Variants in DRC4 observed in about 807,000 individuals in gnomAD.
DRC4 encodes dynein regulatory complex subunit 4.
chr16:90,022,712 C>A, the DRC4 span: 1 of 1,419,308 alleles, frequency 7.0e-7, no homozygotes, highest in Non-Finnish European at 9.3e-7. Context: ...TGGGCCTGTC[C>A]GCTGGCGTCA....
chr16:90,027,980 A>C, the DRC4 span: 2 of 474,966 alleles, frequency 4.2e-6, no homozygotes, highest in Non-Finnish European at 7.6e-6. Flanking sequence ...TTCTGATCTA[A>C]AAGCTGTTTT....
chr16:90,026,299 G>A, the DRC4 span, among the ~76,000 whole-genome samples: 1 of 152,140 alleles, frequency 6.6e-6, no homozygotes, highest in African/African-American at 2.4e-5. Flanking sequence ...CCACAAGGGG[G>A]TGGGGTTAGA....
the DRC4 span, among the ~76,000 whole-genome samples, chr16:90,034,677 AATAT>A: frequency 6.6e-6 from 1 of 151,838 alleles, no homozygotes; most frequent in East Asian, 1.9e-4. Flanking sequence ...GCAAATTTTA[AATAT>A]ATAATGTTTA....
chr16:90,030,240 A>G, the DRC4 span, among the ~76,000 whole-genome samples: 2 of 152,124 alleles, frequency 1.3e-5, no homozygotes, highest in African/African-American at 4.8e-5. Flanking sequence ...GCATTATGAT[A>G]TGAATTTGTT....
the DRC4 span, chr16:90,043,151 G>C: frequency 1.9e-6 from 3 of 1,576,640 alleles, no homozygotes; most frequent in Non-Finnish European, 2.6e-6. Flanking sequence ...TGGTGGTCCT[G>C]AGCGTGGGGA....
chr16:90,023,981 TA>T, the DRC4 span, among the ~76,000 whole-genome samples: 41,025 of 129,104 alleles, frequency 0.32, 6,249 homozygotes, highest in South Asian at 0.42. Flanking sequence ...ACACGTCTCT[TA>T]AAAAAAAAAA....
At chr16:90,028,680 A>G in the DRC4 span, among the ~76,000 whole-genome samples, 1 of 152,206 alleles carries the variant, frequency 6.6e-6, no homozygotes, top group Non-Finnish European at 1.5e-5. Context: ...TTTACCTAAA[A>G]GGCTCCTGGA....
chr16:90,035,890 G>A, the DRC4 span: 2 of 1,462,078 alleles, frequency 1.4e-6, no homozygotes, highest in East Asian at 2.5e-5. Flanking sequence ...GTGAGTTTGG[G>A]AGGCTGTGAT....
chr16:90,042,613 A>G, the DRC4 span: 4 of 1,242,554 alleles, frequency 3.2e-6, no homozygotes, highest in Admixed American at 1.7e-5. Context: ...GTCTCTGAGG[A>G]CCCCACCTGT....
chr16:90,024,716 T>C, the DRC4 span, among the ~76,000 whole-genome samples: 1 of 152,000 alleles, frequency 6.6e-6, no homozygotes, highest in African/African-American at 2.4e-5. Context: ...TTACACACTT[T>C]TTAATTTCTT....
chr16:90,030,338 A>ATATT, the DRC4 span, among the ~76,000 whole-genome samples: 1 of 151,494 alleles, frequency 6.6e-6, no homozygotes, highest in Non-Finnish European at 1.5e-5. Flanking sequence ...AACCATTTCC[A>ATATT]TATTTATTTA....
chr16:90,042,165 A>G, the DRC4 span: 5 of 470,890 alleles, frequency 1.1e-5, no homozygotes, highest in Non-Finnish European at 2.1e-5. Flanking sequence ...CAAACTCCTG[A>G]CCTCAAGTGA....
chr16:90,044,225 T>C, the DRC4 span: 1 of 452,334 alleles, frequency 2.2e-6, no homozygotes, highest in South Asian at 1.6e-5. Flanking sequence ...TTGGCTCAGA[T>C]GAAAACCTCT....
the DRC4 span, among the ~76,000 whole-genome samples, chr16:90,030,289 A>C: frequency 6.6e-6 from 1 of 151,914 alleles, no homozygotes; most frequent in South Asian, 2.1e-4. Context: ...TTTTTGGGTT[A>C]ATGTGATATT....
At chr16:90,022,625 TATCGCGGC>T in the DRC4 span, 1 of 1,318,738 alleles carries the variant, frequency 7.6e-7, no homozygotes, top group South Asian at 1.6e-5. Context: ...TCTTGTGACT[TATCGCGGC>T]ATCGCCCAGC....
the DRC4 span, chr16:90,029,188 A>G: frequency 4.4e-3 from 5,010 of 1,132,386 alleles, 167 homozygotes; most frequent in African/African-American, 0.11. Context: ...GGGGCAGGCT[A>G]TGGGGCAGCC....
At chr16:90,043,003 C>T in the DRC4 span, 1 of 589,812 alleles carries the variant, frequency 1.7e-6, no homozygotes, top group Non-Finnish European at 3.0e-6. Context: ...GACAGCCTCT[C>T]CCTGTCGTGC....
the DRC4 span, chr16:90,037,663 C>G: frequency 2.5e-6 from 3 of 1,210,612 alleles, no homozygotes; most frequent in Admixed American, 1.7e-5. Context: ...GTCTTTCTGG[C>G]GATTATTTTT....
At chr16:90,038,304 G>A in the DRC4 span, among the ~76,000 whole-genome samples, 1 of 152,132 alleles carries the variant, frequency 6.6e-6, no homozygotes, top group African/African-American at 2.4e-5. Flanking sequence ...GCATGCTCTC[G>A]TGTGGATGTG....
Sources: gnomAD v4.1 joint callset for allele counts (sites outside exome capture counted in the v4.1 genomes callset) on GRCh38, gnomAD v4.1.1 for gene constraint, MANE v1.5 for transcripts, NCBI Gene and HGNC (gene_info 2026-07-23, HGNC 2026-07-21) for gene names.